CCT2: variants seen among roughly 807,000 people sequenced by gnomAD.
The protein encoded by CCT2 is T-complex protein 1 subunit beta.
A neutral mutation model predicts 61.8 loss-of-function variants in CCT2; 18 were observed. The ratio of observed to expected loss-of-function variants is 0.29; its 90% CI spans 0.20 to 0.43. The LOEUF is 0.43. CCT2 is among the 20% of genes least tolerant of loss of function. CCT2 has a pLI of 1.00. For missense variants in CCT2, 556 were observed against 656.9 expected, an observed-to-expected ratio of 0.85 and a Z score of 1.68; for synonymous variants, 248 against 215.9, an observed-to-expected ratio of 1.15 and a Z score of -1.30.
intron 7 of CCT2, among the ~76,000 whole-genome samples, chr12:69,590,761 G>C (rs1881812502): frequency 6.9e-6 from 1 of 145,950 alleles, no homozygotes; most frequent in Admixed American, 7.2e-5. Flanking sequence ...GTGTCACCCA[G>C]GCTGGAGTGC....
chr12:69,595,201 A>AAGACGTACTTGGATGGG (rs1271421117), intron 10 of CCT2, among the ~76,000 whole-genome samples: 1 of 152,150 alleles, frequency 6.6e-6, no homozygotes, highest in African/African-American at 2.4e-5. Flanking sequence ...ATGATCTCTT[A>AAGACGTACTTGGATGGG]AGACGTTTTT....
intron 8 of CCT2, 143 bp downstream of exon 8, chr12:69,592,302 C>G (rs894228812): frequency 2.1e-6 from 1 of 471,952 alleles, no homozygotes; most frequent in African/African-American, 2.0e-5. Flanking sequence ...ATGGAGAAAC[C>G]CTGTCTCTAC....
rs1882149824 is a variant in CCT2, at chr12:69,601,565, CA to C, written c.*242del. The C allele has an allele frequency of 7.7e-7, 1 of 1,299,294 alleles. No homozygotes were observed. The highest frequency in any genetic ancestry group is 3.4e-5 in the Admixed American group (1 of 29,024). 80.5% of individuals were successfully genotyped at this position (1,299,294 alleles called of 1,614,324 possible). On this transcript the variant is annotated 3_prime_UTR_variant, in exon 16 of 16. Transcript: ENST00000299300. ...CTGTGCATTAAAATAAAAATTTGAA[CA>C]ATTACTTGGTTCTTATGTCTTATAT...
Position 69,593,083 on chromosome 12 carries a change from A to G in CCT2, c.858A>G (p.Gly286=). Residue 286 remains glycine (G), a synonymous_variant, in exon 9 of 16, where the codon GGA becomes GGG. Transcript: ENST00000299300. ...KEKVERILKH[G]INCFINRQLI... ...AAGTTGAACGTATTCTTAAGCATGG[A>G]ATAAATTGCTTTATTAACAGGTCTG... The G allele has an allele frequency of 6.2e-7, 1 of 1,613,474 alleles. No individual in the cohort carries two copies. Among genetic ancestry groups the G allele is most frequent in the Non-Finnish European group, 8.5e-7 (1 of 1,179,532 alleles).
chr12:69,593,692 C>A, intron 10 of CCT2, 79 bp downstream of exon 10: 1 of 791,166 alleles, frequency 1.3e-6, no homozygotes, highest in South Asian at 1.6e-5. Flanking sequence ...ATGCAACTAC[C>A]TTTAAGGAGT....
At chr12:69,592,434 G>T (rs1005769693) in intron 8 of CCT2, 10 of 204,000 alleles carry the variant, frequency 4.9e-5, no homozygotes, top group Non-Finnish European at 9.8e-5. Flanking sequence ...ACTGAGCCGA[G>T]ATTGTGCTAC....
chr12:69,598,434 G>A lies in CCT2; in HGVS notation c.1435+13G>A. 1 of 1,517,970 alleles carries A rather than the reference G, an allele frequency of 6.6e-7. No individual in the cohort carries two copies. The highest frequency in any genetic ancestry group is 1.3e-5 in the South Asian group (1 of 76,926). 94.0% of individuals were successfully genotyped at this position (1,517,970 alleles called of 1,614,324 possible). ...ACTGCTGGATTGGGTAAGCAATCAAGGGGAACTTTGTGGCCGTTGTTAAAA... is the reference window on the plus strand; with the variant it reads ...ACTGCTGGATTGGGTAAGCAATCAAAGGGAACTTTGTGGCCGTTGTTAAAA... On this transcript the variant is annotated intron_variant, in intron 14 of 15. Coordinates refer to ENST00000299300, the MANE Select transcript of CCT2 (RefSeq NM_006431.3).
intron 6 of CCT2, 87 bp downstream of exon 6, chr12:69,588,349 G>C (rs710777): frequency 0.41 from 382,425 of 942,276 alleles, 83,554 homozygotes; most frequent in East Asian, 0.68. Flanking sequence ...ACACTGAAAA[G>C]CATACACAAA....
rs563580194 is a variant in CCT2, at chr12:69,596,583, G to GT, written c.983-566dup. Among the ~76,000 whole-genome samples, 166 of 152,258 alleles carry GT rather than the reference G, an allele frequency of 1.1e-3. 1 individual carries two copies. The highest frequency in any genetic ancestry group is 1.9e-3 in the South Asian group (9 of 4,822). On this transcript the variant is annotated intron_variant, in intron 10 of 15. Coordinates refer to ENST00000299300, the MANE Select transcript of CCT2 (RefSeq NM_006431.3). ...GGGAAATTCTTAGTATGCATTTCTT[G>GT]TTTTTTTAGGCCTTAGGACATTTCA...
chr12:69,588,192 A>G lies in CCT2; in HGVS notation c.376A>G (p.Ile126Val). 2 of 1,614,166 alleles carry G rather than the reference A, an allele frequency of 1.2e-6. No homozygotes were observed. Among genetic ancestry groups the G allele is most frequent in the Non-Finnish European group, 1.7e-6 (2 of 1,179,996 alleles). Residue 126 changes from isoleucine to valine, a missense_variant, in exon 6 of 16, where the codon ATC becomes GTC. This residue lies in a region of CCT2 where 308 missense variants were observed against 350.6 expected (regional missense o/e 0.88). Transcript: ENST00000299300. ...TGCAAAAAAGATTCATCCACAGACC[A>G]TCATAGCGGGTTGGAGAGAAGCCAC... ...LIAKKIHPQT[I>V]IAGWREATKA...
At chr12:69,592,203 A>G (rs1036418097) in intron 8 of CCT2, 44 bp downstream of exon 8, 8 of 1,127,522 alleles carry the variant, frequency 7.1e-6, no homozygotes, top group African/African-American at 1.5e-5. Context: ...CTGCCCAGGC[A>G]GAGTGGCTCA....
intron 11 of CCT2, 69 bp from the exon 12 acceptor site, chr12:69,597,569 C>A: frequency 6.6e-7 from 1 of 1,508,608 alleles, no homozygotes; most frequent in Non-Finnish European, 9.1e-7. Flanking sequence ...GTAATATAAC[C>A]AACACCGGCA....
At chr12:69,591,332 T>G (rs997790928) in intron 7 of CCT2, among the ~76,000 whole-genome samples, 1 of 152,230 alleles carries the variant, frequency 6.6e-6, no homozygotes, top group African/African-American at 2.4e-5. Flanking sequence ...CTAGCACCTC[T>G]GCTACTGGTT....
intron 7 of CCT2, 36 bp from the exon 8 acceptor site, chr12:69,592,023 G>A: frequency 8.7e-7 from 1 of 1,146,848 alleles, no homozygotes; most frequent in South Asian, 1.3e-5. Context: ...CTGCTTTGAA[G>A]TATTAAATAT....
At chr12:69,592,367 C>T in intron 8 of CCT2, 1 of 283,080 alleles carries the variant, frequency 3.5e-6, no homozygotes, top group South Asian at 6.6e-5. Context: ...CCTGTAATCC[C>T]AGCTATTCGG....
chr12:69,592,904 G>A, intron 8 of CCT2, 72 bp from the exon 9 acceptor site: 3 of 1,477,646 alleles, frequency 2.0e-6, no homozygotes, highest in Non-Finnish European at 2.8e-6. Flanking sequence ...CTCCAGCCTG[G>A]GCAACAGAGC....
At chr12:69,586,917 C>A in intron 3 of CCT2, 99 bp downstream of exon 3, 2 of 719,766 alleles carry the variant, frequency 2.8e-6, no homozygotes, top group Non-Finnish European at 4.4e-6. Context: ...ATCTTTAAAA[C>A]GTTTAATTAT....
intron 9 of CCT2, 123 bp from the exon 10 acceptor site, chr12:69,593,387 T>C: frequency 1.5e-6 from 1 of 670,598 alleles, no homozygotes. Context: ...AGGTAAGAAA[T>C]GCAATCTTGT....
At chr12:69,588,666 G>C (rs900583389) in intron 6 of CCT2, among the ~76,000 whole-genome samples, 3 of 152,120 alleles carry the variant, frequency 2.0e-5, no homozygotes, top group Non-Finnish European at 1.5e-5. Context: ...ATGATTTTTA[G>C]CATTATAAAA....
Sources: allele counts gnomAD v4.1 joint callset (sites outside exome capture counted in the v4.1 genomes callset), GRCh38; gene constraint gnomAD v4.1.1; regional missense constraint gnomAD v4.1.1; transcripts MANE v1.5; gene names NCBI Gene and HGNC (gene_info 2026-07-23, HGNC 2026-07-21).